PDE4B: variants seen among roughly 807,000 people sequenced by gnomAD.
PDE4B encodes phosphodiesterase 4B.
PDE4B carries 20 observed loss-of-function variants against 82.2 expected under a neutral mutation model. That is an observed-to-expected ratio of 0.24 (90% CI 0.17 to 0.35). The LOEUF is 0.35. Among genes scored for constraint, PDE4B ranks in the 10% least tolerant of loss-of-function variants. The pLI is 1.00. For missense variants in PDE4B, 655 were observed against 907.2 expected, an observed-to-expected ratio of 0.72 and a Z score of 3.57; for synonymous variants, 320 against 318.9, an observed-to-expected ratio of 1.00 and a Z score of -0.04.
chr1:66,192,292 T>G (rs1647884629), intron 3 of PDE4B, among the ~76,000 whole-genome samples: 1 of 152,196 alleles, frequency 6.6e-6, no homozygotes, highest in Non-Finnish European at 1.5e-5. Context: ...GACTTCTTTT[T>G]GCCTATAAAA....
At chr1:66,149,505 C>G (rs997356761) in intron 3 of PDE4B, among the ~76,000 whole-genome samples, 1 of 152,056 alleles carries the variant, frequency 6.6e-6, no homozygotes, top group African/African-American at 2.4e-5. Context: ...GTTGGTGTCC[C>G]TTCTAAGAAA....
chr1:66,080,335 C>T (rs1445438172), intron 3 of PDE4B, among the ~76,000 whole-genome samples: 1 of 152,028 alleles, frequency 6.6e-6, no homozygotes, highest in Non-Finnish European at 1.5e-5. Flanking sequence ...GAAAACTGAG[C>T]AAATAAGATG....
intron 3 of PDE4B, among the ~76,000 whole-genome samples, chr1:66,075,049 G>C (rs1656347194): frequency 6.6e-6 from 1 of 152,016 alleles, no homozygotes. Flanking sequence ...TTACTGAAGT[G>C]GCAGTGCACA....
intron 1 of PDE4B, among the ~76,000 whole-genome samples, chr1:65,891,518 T>A (rs1463796786): frequency 6.6e-6 from 1 of 152,036 alleles, no homozygotes; most frequent in East Asian, 1.9e-4. Flanking sequence ...TGGATGTCTG[T>A]CCCAGTAAAG....
intron 3 of PDE4B, among the ~76,000 whole-genome samples, chr1:66,225,947 T>C (rs1651418053): frequency 6.6e-6 from 1 of 152,224 alleles, no homozygotes; most frequent in African/African-American, 2.4e-5. Context: ...GTGCAAACAC[T>C]ACAGACCTAG....
intron 1 of PDE4B, among the ~76,000 whole-genome samples, chr1:65,838,595 A>G (rs553135244): frequency 2.8e-4 from 41 of 148,364 alleles, no homozygotes; most frequent in Admixed American, 6.8e-4. Context: ...ATATATGTAT[A>G]TGTATCTATA....
chr1:66,327,246 A>T (rs984570347), intron 7 of PDE4B, among the ~76,000 whole-genome samples: 5 of 152,228 alleles, frequency 3.3e-5, no homozygotes, highest in Non-Finnish European at 5.9e-5. Context: ...TAAGTATTAG[A>T]TTAACTGAAA....
chr1:66,314,175 A>G (rs947182703), intron 7 of PDE4B, among the ~76,000 whole-genome samples: 3 of 152,094 alleles, frequency 2.0e-5, no homozygotes. Context: ...GCTACCATCT[A>G]TTCTAGCCTA....
intron 3 of PDE4B, among the ~76,000 whole-genome samples, chr1:65,958,397 C>T (rs1649365314): frequency 6.6e-6 from 1 of 151,824 alleles, no homozygotes; most frequent in African/African-American, 2.4e-5. Context: ...AATTTTTTTG[C>T]ATCTAGTTTC....
At chr1:66,368,122 C>T in intron 15 of PDE4B, 57 bp downstream of exon 15, 1 of 1,565,406 alleles carries the variant, frequency 6.4e-7, no homozygotes, top group Non-Finnish European at 8.7e-7. Flanking sequence ...AGCTGAACAA[C>T]AATTAGAAAA....
intron 7 of PDE4B, among the ~76,000 whole-genome samples, chr1:66,327,558 T>A (rs1259878550): frequency 6.6e-6 from 1 of 152,226 alleles, no homozygotes; most frequent in Non-Finnish European, 1.5e-5. Context: ...ACTAAAAGGT[T>A]TACAGTCCAT....
intron 3 of PDE4B, among the ~76,000 whole-genome samples, chr1:65,930,755 C>G (rs1468286140): frequency 6.6e-6 from 1 of 152,230 alleles, no homozygotes; most frequent in African/African-American, 2.4e-5. Flanking sequence ...TTTTATTTTA[C>G]AGGCTCATAG....
chr1:66,201,587 T>C (rs1232432987), intron 3 of PDE4B, among the ~76,000 whole-genome samples: 1 of 149,596 alleles, frequency 6.7e-6, no homozygotes, highest in African/African-American at 2.5e-5. Context: ...GGCGTATGTG[T>C]CGAGTAATTT....
chr1:65,970,048 A>G (rs961722852), intron 3 of PDE4B, among the ~76,000 whole-genome samples: 1 of 152,020 alleles, frequency 6.6e-6, no homozygotes, highest in Non-Finnish European at 1.5e-5. Context: ...GCCTTTTAAT[A>G]TACATCTTAA....
At chr1:66,232,125 G>C (rs978222846) in intron 3 of PDE4B, among the ~76,000 whole-genome samples, 5 of 152,170 alleles carry the variant, frequency 3.3e-5, no homozygotes, top group African/African-American at 1.2e-4. Flanking sequence ...AGCTTTAATA[G>C]AATCATCATA....
intron 3 of PDE4B, among the ~76,000 whole-genome samples, chr1:66,146,277 A>G (rs1646270560): frequency 7.5e-6 from 1 of 133,346 alleles, no homozygotes; most frequent in Non-Finnish European, 1.5e-5. Flanking sequence ...TCCGCCTCCC[A>G]GGTTCACGCC....
At chr1:66,213,721 A>G (rs1038408080) in intron 3 of PDE4B, among the ~76,000 whole-genome samples, 2 of 152,048 alleles carry the variant, frequency 1.3e-5, no homozygotes, top group Admixed American at 1.3e-4. Flanking sequence ...ATTGCTCTTG[A>G]CCATATATTT....
intron 7 of PDE4B, among the ~76,000 whole-genome samples, chr1:66,298,587 G>A (rs1657672404): frequency 6.6e-6 from 1 of 152,086 alleles, no homozygotes. Flanking sequence ...TATGGGGCAG[G>A]GCCTGGGCTT....
chr1:65,803,831 G>A (rs1005963541), intron 1 of PDE4B, among the ~76,000 whole-genome samples: 4 of 152,120 alleles, frequency 2.6e-5, no homozygotes, highest in Non-Finnish European at 2.9e-5. Context: ...CCCTTTGGAC[G>A]CCAGCTTTTA....
Sources: allele counts gnomAD v4.1 joint callset (sites outside exome capture counted in the v4.1 genomes callset), GRCh38; gene constraint gnomAD v4.1.1; transcripts MANE v1.5; gene names NCBI Gene and HGNC (gene_info 2026-07-23, HGNC 2026-07-21).